Variants in DNAH14 observed in about 807,000 individuals in gnomAD.
The protein encoded by DNAH14 is dynein axonemal heavy chain 14.
In DNAH14, 478 loss-of-function variants were observed where a neutral mutation model predicts 520.9. The ratio of observed to expected loss-of-function variants is 0.92; its 90% CI spans 0.85 to 0.99. The LOEUF is 0.99. DNAH14 is among the 50% of genes least tolerant of loss of function. DNAH14 has a pLI of 0.00. For synonymous variants in DNAH14, 1,581 were observed against 1,757.2 expected (o/e 0.90, Z 2.51); for missense variants, 4,831 against 5,234.5 (o/e 0.92, Z 2.38).
At chr1:225,374,606 G>A (rs2095672053) in intron 77 of DNAH14, 82 bp from the exon 78 acceptor site, 1 of 1,208,792 alleles carries the variant, frequency 8.3e-7, no homozygotes, top group Non-Finnish European at 1.1e-6. Flanking sequence ...AGCTGTTTGA[G>A]AGTTGATTTT....
intron 55 of DNAH14, among the ~76,000 whole-genome samples, chr1:225,299,046 A>C (rs2094078954): frequency 1.3e-5 from 2 of 151,952 alleles, no homozygotes; most frequent in South Asian, 4.2e-4. Context: ...TCCCATTGAC[A>C]CTCTAGTCAA....
Position 225,173,933 on chromosome 1 carries a change from A to T in DNAH14, c.5535+5905A>T, listed in dbSNP as rs541130113. On this transcript the variant is annotated intron_variant, in intron 36 of 85. Transcript: ENST00000682510. ...CACCATGGAATACTATGCAGGCATA[A>T]AAAAATGATGAGTTCATGTCCTTTG... Among the ~76,000 whole-genome samples, 32 of 152,342 alleles carry T rather than the reference A, an allele frequency of 2.1e-4. 2 individuals are homozygous for T. In the East Asian group the frequency reaches 6.0e-3, roughly 29 times the overall value.
intron 26 of DNAH14, among the ~76,000 whole-genome samples, chr1:225,121,383 T>C (rs1051064971): frequency 6.6e-6 from 1 of 152,202 alleles, no homozygotes; most frequent in Non-Finnish European, 1.5e-5. Flanking sequence ...ATCCTTAGAC[T>C]AACTTCTCCC....
At chr1:225,199,737 GAC>G (rs2086579819) in intron 38 of DNAH14, among the ~76,000 whole-genome samples, 2 of 152,150 alleles carry the variant, frequency 1.3e-5, no homozygotes, top group African/African-American at 4.8e-5. Flanking sequence ...AATCTATTGA[GAC>G]TTGTTTTGTG....
At chr1:225,117,646 C>G (rs2076966505) in intron 23 of DNAH14, 38 bp from the exon 24 acceptor site, 6 of 1,212,840 alleles carry the variant, frequency 4.9e-6, no homozygotes, top group Non-Finnish European at 7.0e-6. Flanking sequence ...CATAATTAAG[C>G]ATATATTCTG....
intron 62 of DNAH14, among the ~76,000 whole-genome samples, chr1:225,323,235 C>A (rs2094588415): frequency 6.6e-6 from 1 of 152,116 alleles, no homozygotes; most frequent in Non-Finnish European, 1.5e-5. Flanking sequence ...GCCTGGGGGA[C>A]AGAAGGAAGA....
chr1:224,937,305 A>G (rs182045490), intron 1 of DNAH14, among the ~76,000 whole-genome samples: 8 of 152,138 alleles, frequency 5.3e-5, no homozygotes, highest in Admixed American at 4.6e-4. Flanking sequence ...CTAGAAAAAT[A>G]TAAGGGCGCT....
chr1:224,935,396 A>G (rs2058964649), intron 1 of DNAH14, among the ~76,000 whole-genome samples: 1 of 151,938 alleles, frequency 6.6e-6, no homozygotes, highest in Non-Finnish European at 1.5e-5. Context: ...AGAAAAAGAT[A>G]TTCCATGCAA....
intron 10 of DNAH14, among the ~76,000 whole-genome samples, chr1:225,016,597 A>G (rs1204241538): frequency 6.6e-6 from 1 of 152,140 alleles, no homozygotes; most frequent in African/African-American, 2.4e-5. Context: ...CTTCCAAGAC[A>G]TGGGAAATTT....
intron 17 of DNAH14, among the ~76,000 whole-genome samples, chr1:225,060,248 C>T (rs1393691940): frequency 6.6e-6 from 1 of 152,034 alleles, no homozygotes; most frequent in Admixed American, 6.6e-5. Flanking sequence ...TCTCTTCTTA[C>T]TTCATTGCAT....
At chr1:225,126,153 A>G (rs566741922) in intron 27 of DNAH14, among the ~76,000 whole-genome samples, 6 of 152,316 alleles carry the variant, frequency 3.9e-5, no homozygotes, top group African/African-American at 1.4e-4. Flanking sequence ...ATAATAATGA[A>G]AAGGTTGGAA....
chr1:225,364,872 C>T lies in DNAH14; in HGVS notation c.12068C>T (p.Pro4023Leu), dbSNP rs533472746. Residue 4023 changes from proline (P) to leucine (L), a missense_variant, in exon 76 of 86, where the codon CCT (proline) becomes CTT (leucine). Pro to Leu is a moderately conservative substitution (Grantham distance 98). Transcript: ENST00000682510. ...AAATCATACAGTTCTTTTCCAATTC[C>T]TGTTCTTAAAAAGGGTTTAAAGGTA... ...SSKSYSSFPI[P>L]VLKKGLKIAV... 754 of 1,547,306 alleles carry T rather than the reference C, an allele frequency of 4.9e-4. No homozygotes were observed. The highest frequency in any genetic ancestry group is 5.7e-4 in the Non-Finnish European group (658 of 1,145,238).
At chr1:225,120,568 AAGGTTGGTTCAGCC>A (rs1191823201) in intron 26 of DNAH14, among the ~76,000 whole-genome samples, 1 of 152,206 alleles carries the variant, frequency 6.6e-6, no homozygotes, top group Admixed American at 6.5e-5. Context: ...ATTCCTTCCC[AAGGTTGGTTCAGCC>A]TATACCCAGG....
intron 42 of DNAH14, among the ~76,000 whole-genome samples, chr1:225,236,473 T>C (rs1234517620): frequency 6.6e-6 from 1 of 152,182 alleles, no homozygotes; most frequent in African/African-American, 2.4e-5. Context: ...AAGCACCATG[T>C]GGTAATGAGA....
In DNAH14 at chr1:225,243,381, A is replaced by G. The variant is rs553609878; in HGVS notation, c.6748+2559A>G. ...ACCAAAGTAGAAATGAGGAAAAAGA[A>G]AAAAAGGGGGAGAGCCAAAAAAAAT... On this transcript the variant is annotated intron_variant, in intron 43 of 85. Transcript: ENST00000682510. Among the ~76,000 whole-genome samples, 15 of 152,262 alleles carry G rather than the reference A, an allele frequency of 9.9e-5. No individual in the cohort carries two copies. The South Asian group carries it at 2.9e-3, about 29-fold the overall frequency.
chr1:225,336,027 G>T (rs1481006110), intron 66 of DNAH14, among the ~76,000 whole-genome samples: 1 of 109,256 alleles, frequency 9.2e-6, no homozygotes, highest in Admixed American at 9.9e-5. Flanking sequence ...ATGCATATAT[G>T]TATATACACA....
At chr1:225,238,477 C>G (rs1333383192) in intron 42 of DNAH14, among the ~76,000 whole-genome samples, 1 of 152,132 alleles carries the variant, frequency 6.6e-6, no homozygotes, top group Non-Finnish European at 1.5e-5. Context: ...AAGATGGTAG[C>G]CTACTCCTTC....
chr1:225,332,549 C>T lies in DNAH14; in HGVS notation c.9865-742C>T, dbSNP rs183464187. On this transcript the variant is annotated intron_variant, in intron 65 of 85. Transcript: ENST00000682510. ...ATCTTGACCAAGTTGTTTAACTTCT[C>T]TAAACTCCAAAGGCGGTGTCAAATG... Among the ~76,000 whole-genome samples the T allele has an allele frequency of 2.6e-5, 4 of 152,264 alleles. No individual in the cohort carries two copies. The East Asian group carries it at 5.8e-4, about 22-fold the overall frequency.
Position 225,140,756 on chromosome 1 carries a change from T to C in DNAH14, c.4255-12T>C, listed in dbSNP as rs1428422500. ...AGAGAGATATATATATAACATTATC[T>C]TACTTTTTCAGAGCCAGATCATGTT... On this transcript the variant is annotated splice_polypyrimidine_tract_variant and intron_variant, in intron 27 of 85. Coordinates refer to ENST00000682510, the MANE Select transcript of DNAH14 (RefSeq NM_001367479.1). 4.0e-6 allele frequency: 6 copies of C among 1,484,686 alleles called. No individual in the cohort carries two copies. The highest frequency in any genetic ancestry group is 4.6e-6 in the Non-Finnish European group (5 of 1,089,032). The allele number at this position is 1,484,686 out of a possible 1,614,324, so 92.0% of individuals were successfully genotyped here. A position where few individuals can be genotyped will look rare whatever the true frequency, so the allele number is the denominator to read the frequency against.
Sources: allele counts gnomAD v4.1 joint callset (sites outside exome capture counted in the v4.1 genomes callset), GRCh38; gene constraint gnomAD v4.1.1; transcripts MANE v1.5; gene names NCBI Gene and HGNC (gene_info 2026-07-23, HGNC 2026-07-21).